The following IFT122 variants were observed in gnomAD, a reference collection of about 807,000 sequenced individuals.
IFT122 encodes the protein intraflagellar transport protein 122 homolog.
A neutral mutation model predicts 161.6 loss-of-function variants in IFT122; 118 were observed. The ratio of observed to expected loss-of-function variants is 0.73; its 90% CI spans 0.63 to 0.85. The LOEUF is 0.85. Ranked by LOEUF, IFT122 falls within the 40% of genes least tolerant of loss-of-function variation. The pLI, the probability that IFT122 is intolerant of heterozygous loss-of-function variation, is 0.00. For synonymous variants in IFT122, 550 were observed against 602.4 expected (o/e 0.91, Z 1.27); for missense variants, 1,381 against 1,579.6 (o/e 0.87, Z 2.13).
chr3:129,454,508 CATATTTGTGTGTGT>C (rs1323562156), intron 3 of IFT122, among the ~76,000 whole-genome samples: 10 of 112,406 alleles, frequency 8.9e-5, no homozygotes, highest in African/African-American at 3.9e-4. Flanking sequence ...CCATGGTAGT[CATATTTGTGTGTGT>C]GTGTGTGTGT....
intron 15 of IFT122, among the ~76,000 whole-genome samples, chr3:129,485,699 GCT>G (rs753542568): frequency 7.0e-4 from 107 of 152,260 alleles, no homozygotes; most frequent in Non-Finnish European, 1.3e-3. Context: ...GCAGTTTGCT[GCT>G]CTCTGACTGT....
At chr3:129,498,570 C>G (rs2081167064) in intron 18 of IFT122, among the ~76,000 whole-genome samples, 1 of 152,188 alleles carries the variant, frequency 6.6e-6, no homozygotes, top group Non-Finnish European at 1.5e-5. Flanking sequence ...ATACAATGCG[C>G]TTTCCTCCCC....
intron 6 of IFT122, among the ~76,000 whole-genome samples, chr3:129,464,217 A>G (rs779692994): frequency 6.6e-6 from 1 of 152,208 alleles, no homozygotes; most frequent in Non-Finnish European, 1.5e-5. Flanking sequence ...CCTTCCGTTC[A>G]GCATCTGTTG....
chr3:129,500,470 G>A (rs1273151321), intron 19 of IFT122, among the ~76,000 whole-genome samples: 1 of 152,250 alleles, frequency 6.6e-6, no homozygotes, highest in Non-Finnish European at 1.5e-5. Context: ...TAGCTGGAAA[G>A]TTGTAGAGCT....
In IFT122 at chr3:129,499,786, C is replaced by A. The variant is rs1042249064; in HGVS notation, c.2209-116C>A. 3.2e-6 allele frequency: 4 copies of A among 1,262,722 alleles called. No individual in the cohort carries two copies. The Admixed American group carries it at 6.8e-5, about 21-fold the overall frequency. 78.2% of individuals were successfully genotyped at this position (1,262,722 alleles called of 1,614,324 possible). A position where few individuals can be genotyped will look rare whatever the true frequency, so the allele number is the denominator to read the frequency against. Reference sequence around the variant, plus strand: ...CCCCTCAGGGCCGGGCCCTGCCTACCTCCTGGTTGCCTGCTTCAGCCATGT... The same window carrying A: ...CCCCTCAGGGCCGGGCCCTGCCTACATCCTGGTTGCCTGCTTCAGCCATGT... On this transcript the variant is annotated intron_variant, in intron 18 of 29. Transcript: ENST00000348417.
At chr3:129,450,031 T>C in intron 2 of IFT122, 94 bp downstream of exon 2, 1 of 844,294 alleles carries the variant, frequency 1.2e-6, no homozygotes, top group Non-Finnish European at 2.0e-6. Context: ...TTTTTTGAGA[T>C]TAAAAAGGCA....
chr3:129,504,115 C>T, intron 20 of IFT122: 3 of 546,332 alleles, frequency 5.5e-6, no homozygotes, highest in Non-Finnish European at 6.6e-6. Flanking sequence ...CAGTCGCTTG[C>T]ATATTGCTGT....
chr3:129,463,717 T>C (rs2076419714), intron 6 of IFT122, 91 bp downstream of exon 6: 1 of 1,098,400 alleles, frequency 9.1e-7, no homozygotes, highest in Admixed American at 1.8e-5. Flanking sequence ...GAGAAGGTCT[T>C]GTGTTAGGTA....
Position 129,519,614 on chromosome 3 carries a change from T to C in IFT122, c.3518T>C (p.Leu1173Pro). The C allele has an allele frequency of 3.7e-6, 6 of 1,613,652 alleles. No homozygotes were observed. The highest frequency in any genetic ancestry group is 2.2e-5 in the East Asian group (1 of 44,886). Reference protein sequence around the residue: ...FVPVVVSRLVLRSMSRRDVLI... With the variant: ...FVPVVVSRLVPRSMSRRDVLI... ...CCAGTGGTGGTGAGCCGGCTGGTGC[T>C]GCGCTCCATGAGCCGCCGGGATGTC... The change falls in exon 29 of 30, where the codon CTG (leucine) becomes CCG (proline). Residue 1173 changes from leucine to proline, a missense_variant. Leu to Pro is a moderately conservative substitution (Grantham distance 98, BLOSUM62 -3). Around this residue, in one of 7 missense-constraint regions of IFT122, gnomAD observed 177 missense variants for 199.2 expected, o/e 0.89. Transcript: ENST00000348417.
At chr3:129,494,203 T>G (rs1228072009) in intron 17 of IFT122, among the ~76,000 whole-genome samples, 1 of 147,384 alleles carries the variant, frequency 6.8e-6, no homozygotes, top group African/African-American at 2.6e-5. Flanking sequence ...AAACCTTTTT[T>G]GTTTGTTTGT....
At chr3:129,502,035 C>G (rs1166573148) in intron 19 of IFT122, among the ~76,000 whole-genome samples, 1 of 152,150 alleles carries the variant, frequency 6.6e-6, no homozygotes, top group Non-Finnish European at 1.5e-5. Flanking sequence ...GCCTCATGTC[C>G]CCATGAGTGA....
intron 26 of IFT122, 133 bp from the exon 27 acceptor site, chr3:129,517,336 C>G: frequency 9.3e-7 from 1 of 1,080,260 alleles, no homozygotes; most frequent in Non-Finnish European, 1.4e-6. Context: ...CAGAGACTGC[C>G]CCTGCTGCCT....
intron 9 of IFT122, among the ~76,000 whole-genome samples, chr3:129,474,834 G>A (rs1156248907): frequency 6.6e-6 from 1 of 152,094 alleles, no homozygotes; most frequent in Non-Finnish European, 1.5e-5. Flanking sequence ...ATCTGATAAA[G>A]GACTTGTATC....
At chr3:129,454,307 G>A (rs1039367398) in intron 3 of IFT122, among the ~76,000 whole-genome samples, 2 of 151,548 alleles carry the variant, frequency 1.3e-5, no homozygotes, top group Non-Finnish European at 2.9e-5. Flanking sequence ...TGGGAAGATT[G>A]CTTAAGGCAG....
chr3:129,460,927 G>A lies in IFT122; in HGVS notation c.273-301G>A, dbSNP rs1203627256. On this transcript the variant is annotated intron_variant, in intron 4 of 29. Transcript: ENST00000348417. ...CCTCCACAAAACAGTAAGAGTAACA[G>A]CCACAGATAAAGCACCTAAAGGCCA... The A allele has an allele frequency of 1.2e-6, 2 of 1,613,844 alleles. No individual in the cohort carries two copies. Among genetic ancestry groups the A allele is most frequent in the Non-Finnish European group, 1.7e-6 (2 of 1,179,872 alleles).
chr3:129,499,287 T>C (rs1308658113), intron 18 of IFT122, among the ~76,000 whole-genome samples: 2 of 152,242 alleles, frequency 1.3e-5, no homozygotes, highest in East Asian at 1.9e-4. Context: ...GACAATGTGA[T>C]GATTCTCTAG....
In IFT122 at chr3:129,440,323, A is replaced by T. The variant is rs1166208453; in HGVS notation, c.-8A>T. The stretch of plus-strand genomic sequence containing the variant: ...GTAGGAGGAGCCCGAGCCGTAAGGG[A>T]AGCCGTGATGAGGGCCGTGTTGACG... On this transcript the variant is annotated 5_prime_UTR_variant, in exon 1 of 30. Coordinates refer to ENST00000348417, the MANE Select transcript of IFT122 (RefSeq NM_052989.3). 6.4e-6 allele frequency: 10 copies of T among 1,550,746 alleles called. No homozygotes were observed. Among genetic ancestry groups the T allele is most frequent in the Non-Finnish European group, 8.7e-6 (10 of 1,146,834 alleles).
In IFT122 at chr3:129,514,374, C is replaced by A. The variant is rs1560012295; in HGVS notation, c.2988-15C>A. 1.9e-6 allele frequency: 3 copies of A among 1,614,030 alleles called. No individual in the cohort carries two copies. Among genetic ancestry groups the A allele is most frequent in the East Asian group, 2.2e-5 (1 of 44,850 alleles). Reference sequence around the variant, plus strand: ...CTGGTGTTGCCCCTGCTGTCCTTAACCCTGTTCACGGCAGGAAAATACTCT... The same window carrying A: ...CTGGTGTTGCCCCTGCTGTCCTTAAACCTGTTCACGGCAGGAAAATACTCT... On this transcript the variant is annotated splice_polypyrimidine_tract_variant and intron_variant, in intron 24 of 29. Transcript: ENST00000348417.
chr3:129,453,654 T>C (rs79648507), intron 3 of IFT122, among the ~76,000 whole-genome samples: 2,709 of 152,244 alleles, frequency 0.018, 92 homozygotes, highest in East Asian at 0.13. Context: ...ATTATGTACA[T>C]TAACCTTGAA....
Sources: allele counts gnomAD v4.1 joint callset (sites outside exome capture counted in the v4.1 genomes callset), GRCh38; gene constraint gnomAD v4.1.1; regional missense constraint gnomAD v4.1.1; transcripts MANE v1.5; gene names NCBI Gene and HGNC (gene_info 2026-07-23, HGNC 2026-07-21).